LINGO2: variants seen among roughly 807,000 people sequenced by gnomAD.
LINGO2 encodes leucine rich repeat and Ig domain containing 2.
LINGO2 carries 14 observed loss-of-function variants against 30.6 expected under a neutral mutation model. That is an observed-to-expected ratio of 0.46 (90% confidence interval 0.30 to 0.72). The LOEUF (loss-of-function observed/expected upper bound fraction) is 0.72, where lower values mean the gene tolerates loss of function less well. Among genes scored for constraint, LINGO2 ranks in the 30% least tolerant of loss-of-function variants. The pLI, the probability that LINGO2 is intolerant of heterozygous loss-of-function variation, is 0.07. For missense variants in LINGO2, 729 were observed against 751.7 expected, an observed-to-expected ratio of 0.97 and a Z score of 0.35; for synonymous variants, 317 against 288.5, an observed-to-expected ratio of 1.10 and a Z score of -1.00.
At chr9:28,465,099 G>A (rs1453131710) in intron 2 of LINGO2, among the ~76,000 whole-genome samples, 2 of 152,196 alleles carry the variant, frequency 1.3e-5, no homozygotes, top group African/African-American at 4.8e-5. Context: ...GTGTTACAGT[G>A]TACTCTTTGT....
the LINGO2 span, among the ~76,000 whole-genome samples, chr9:29,125,115 T>A: frequency 6.6e-6 from 1 of 152,244 alleles, no homozygotes; most frequent in Admixed American, 6.5e-5. Flanking sequence ...TACAGGGACA[T>A]GGATGAAGCT....
the LINGO2 span, among the ~76,000 whole-genome samples, chr9:28,940,386 T>C: frequency 2.0e-5 from 3 of 152,156 alleles, no homozygotes; most frequent in African/African-American, 7.2e-5. Flanking sequence ...AAGACACATA[T>C]TGAAAATAGC....
the LINGO2 span, among the ~76,000 whole-genome samples, chr9:29,092,574 A>G: frequency 1.5e-4 from 21 of 141,766 alleles, 3 homozygotes; most frequent in Admixed American, 1.5e-3. Flanking sequence ...GATTTAATGC[A>G]TTTTTCCATG....
chr9:28,020,713 T>C (rs1166789467), intron 4 of LINGO2, among the ~76,000 whole-genome samples: 1 of 152,180 alleles, frequency 6.6e-6, no homozygotes, highest in Non-Finnish European at 1.5e-5. Context: ...TGATTCAACA[T>C]CTTAAACAGA....
chr9:28,426,701 C>A (rs1286192183), intron 2 of LINGO2, among the ~76,000 whole-genome samples: 1 of 151,994 alleles, frequency 6.6e-6, no homozygotes, highest in Non-Finnish European at 1.5e-5. Context: ...GGTTTAGTGT[C>A]CATCCAAGAG....
intron 3 of LINGO2, among the ~76,000 whole-genome samples, chr9:28,354,345 T>C (rs1452734364): frequency 6.6e-6 from 1 of 152,192 alleles, no homozygotes; most frequent in East Asian, 1.9e-4. Context: ...CATGTTAACC[T>C]ATTGCTTCAG....
At chr9:29,209,130 TCACA>T in the LINGO2 span, among the ~76,000 whole-genome samples, 1 of 152,304 alleles carries the variant, frequency 6.6e-6, no homozygotes, top group Non-Finnish European at 1.5e-5. Flanking sequence ...GCCAATTTGT[TCACA>T]GAGTATTAAT....
rs1206412966 is a variant in LINGO2, at chr9:28,147,740, C to T, written c.-86-135335G>A. 6.6e-6 allele frequency among the ~76,000 whole-genome samples: 1 copy of T among 152,166 alleles called. No homozygotes were observed. The highest frequency in any genetic ancestry group is 1.5e-5 in the Non-Finnish European group (1 of 68,034). The stretch of plus-strand genomic sequence containing the variant: ...CACACAACTGCCCCCAGGAGCAGGA[C>T]GTCCCTGAGGCTAGAGTCCAGCTGG... On this transcript the variant is annotated intron_variant, in intron 4 of 5. Coordinates refer to ENST00000379992, the Ensembl canonical transcript of LINGO2. This position sits in a 1 kb window ranked among gnomAD's most constrained non-coding sequence, Gnocchi z 4.7.
the LINGO2 span, among the ~76,000 whole-genome samples, chr9:29,195,757 A>C: frequency 6.6e-6 from 1 of 152,184 alleles, no homozygotes; most frequent in Non-Finnish European, 1.5e-5. Flanking sequence ...TTTATGACGA[A>C]AGATTCTTTC....
intron 5 of LINGO2, among the ~76,000 whole-genome samples, chr9:28,004,176 A>ACCAC (rs1367944650): frequency 2.8e-3 from 426 of 152,336 alleles, no homozygotes; most frequent in African/African-American, 9.5e-3. Flanking sequence ...TGTATTAAAA[A>ACCAC]TGAAGTATCG....
the LINGO2 span, among the ~76,000 whole-genome samples, chr9:29,185,869 G>T: frequency 6.6e-6 from 1 of 152,092 alleles, no homozygotes. Context: ...AATCTCAAAA[G>T]TAGCTGATAT....
At chr9:28,183,747 T>G (rs1819442213) in intron 4 of LINGO2, among the ~76,000 whole-genome samples, 1 of 152,206 alleles carries the variant, frequency 6.6e-6, no homozygotes, top group Admixed American at 6.5e-5. Context: ...CAGGCTACCA[T>G]CAGCCCAAAT....
At chr9:28,713,995 T>A in the LINGO2 span, among the ~76,000 whole-genome samples, 2 of 151,700 alleles carry the variant, frequency 1.3e-5, no homozygotes, top group African/African-American at 4.8e-5. Flanking sequence ...CTGTCTCTAC[T>A]AAAAATAGAA....
chr9:28,372,698 A>C (rs958088706), intron 3 of LINGO2, 138 bp downstream of exon 5: 1 of 152,604 alleles, frequency 6.6e-6, no homozygotes, highest in Admixed American at 6.5e-5. Context: ...AAAAATGTTA[A>C]GAATTTAAAC....
At chr9:28,410,672 A>G (rs1260801337) in intron 2 of LINGO2, among the ~76,000 whole-genome samples, 1 of 152,108 alleles carries the variant, frequency 6.6e-6, no homozygotes, top group Non-Finnish European at 1.5e-5. Flanking sequence ...TTTGTTCTCT[A>G]TTACAATCTG....
chr9:28,756,518 A>T, the LINGO2 span, among the ~76,000 whole-genome samples: 1 of 151,984 alleles, frequency 6.6e-6, no homozygotes, highest in East Asian at 1.9e-4. Context: ...TGTAAAAAGG[A>T]CATGATATTG....
At chr9:28,278,117 C>A (rs543922291) in intron 4 of LINGO2, among the ~76,000 whole-genome samples, 5 of 152,242 alleles carry the variant, frequency 3.3e-5, no homozygotes, top group East Asian at 1.9e-4. Flanking sequence ...AAAGCCTAAT[C>A]CAGAGCAAGA....
At chr9:29,102,775 A>G in the LINGO2 span, among the ~76,000 whole-genome samples, 35 of 152,152 alleles carry the variant, frequency 2.3e-4, no homozygotes, top group Non-Finnish European at 4.1e-4. Flanking sequence ...ATATTAAAAT[A>G]TATCAAATAT....
intron 4 of LINGO2, among the ~76,000 whole-genome samples, chr9:28,131,776 A>G (rs1424820849): frequency 6.6e-6 from 1 of 152,194 alleles, no homozygotes; most frequent in Admixed American, 6.5e-5. Context: ...GCTGGAACAA[A>G]TCAAAGGTAA....
Sources: gnomAD v4.1 joint callset for allele counts (sites outside exome capture counted in the v4.1 genomes callset) on GRCh38, gnomAD v4.1.1 for gene constraint, Gnocchi (gnomAD v3.1) non-coding constraint, MANE v1.5 for transcripts, NCBI Gene and HGNC (gene_info 2026-07-23, HGNC 2026-07-21) for gene names.